The following NELL2 variants were observed in gnomAD, a reference collection of about 807,000 sequenced individuals.
NELL2 encodes protein kinase C-binding protein NELL2.
Under a neutral mutation model 109.6 loss-of-function variants are expected in NELL2, and 41 were observed. The ratio of observed to expected loss-of-function variants is 0.37; its 90% CI spans 0.29 to 0.49. The LOEUF (loss-of-function observed/expected upper bound fraction) is 0.49, where lower values mean the gene tolerates loss of function less well. Among genes scored for constraint, NELL2 ranks in the 20% least tolerant of loss-of-function variants. NELL2 has a pLI of 0.98. For missense variants in NELL2, 900 were observed against 1,008.3 expected, an observed-to-expected ratio of 0.89 and a Z score of 1.45; for synonymous variants, 355 against 344.7, an observed-to-expected ratio of 1.03 and a Z score of -0.33.
chr12:44,805,665 T>C (rs937496039), intron 3 of NELL2, among the ~76,000 whole-genome samples: 1 of 151,874 alleles, frequency 6.6e-6, no homozygotes, highest in African/African-American at 2.4e-5. Flanking sequence ...TAAGGCAGAT[T>C]AAGATGGAAA....
At chr12:44,720,593 A>G (rs970260183) in intron 9 of NELL2, among the ~76,000 whole-genome samples, 3 of 152,206 alleles carry the variant, frequency 2.0e-5, no homozygotes, top group African/African-American at 7.2e-5. Context: ...ATGCTCAAAG[A>G]AAGTCTGCTC....
At chr12:44,701,432 A>C (rs530888362) in intron 12 of NELL2, among the ~76,000 whole-genome samples, 4 of 152,260 alleles carry the variant, frequency 2.6e-5, no homozygotes, top group South Asian at 4.1e-4. Flanking sequence ...CCTGTGCCAC[A>C]GATTTTATCC....
At chr12:44,844,529 G>A (rs1944317699) in intron 2 of NELL2, among the ~76,000 whole-genome samples, 1 of 152,150 alleles carries the variant, frequency 6.6e-6, no homozygotes, top group African/African-American at 2.4e-5. Context: ...CAAAGGTGGG[G>A]GATGGGGAAG....
chr12:44,745,742 G>C (rs565049318), intron 9 of NELL2, among the ~76,000 whole-genome samples: 1 of 152,144 alleles, frequency 6.6e-6, no homozygotes, highest in East Asian at 1.9e-4. Context: ...ACTTAGAAGG[G>C]ATGTGAAGGA....
At chr12:44,790,388 T>C (rs919343465) in intron 3 of NELL2, among the ~76,000 whole-genome samples, 1 of 152,026 alleles carries the variant, frequency 6.6e-6, no homozygotes, top group Non-Finnish European at 1.5e-5. Context: ...GCATCATACA[T>C]GAAGGAAAGA....
intron 3 of NELL2, among the ~76,000 whole-genome samples, chr12:44,807,399 A>T (rs542210728): frequency 6.6e-6 from 1 of 151,848 alleles, no homozygotes; most frequent in African/African-American, 2.4e-5. Context: ...CTCAAAAAAA[A>T]ATATCCGTTC....
intron 2 of NELL2, among the ~76,000 whole-genome samples, chr12:44,846,930 A>G (rs1944389095): frequency 1.3e-5 from 2 of 152,254 alleles, no homozygotes; most frequent in African/African-American, 4.8e-5. Context: ...TTTCATAAAC[A>G]ATAATGTTCC....
intron 1 of NELL2, among the ~76,000 whole-genome samples, chr12:44,898,197 C>A (rs1009419819): frequency 6.6e-6 from 1 of 152,158 alleles, no homozygotes; most frequent in Non-Finnish European, 1.5e-5. Flanking sequence ...CAGACTTAAA[C>A]GTTCCTGCCT....
At chr12:44,788,142 T>C (rs949765801) in intron 3 of NELL2, among the ~76,000 whole-genome samples, 2 of 152,116 alleles carry the variant, frequency 1.3e-5, no homozygotes, top group African/African-American at 4.8e-5. Flanking sequence ...ATGGTATCAT[T>C]ATGGCGATGG....
intron 1 of NELL2, among the ~76,000 whole-genome samples, chr12:44,892,176 T>C (rs1244269304): frequency 6.6e-6 from 1 of 152,162 alleles, no homozygotes. Flanking sequence ...AATGAAATCA[T>C]TATGTGAAGA....
intron 3 of NELL2, among the ~76,000 whole-genome samples, chr12:44,809,659 T>C (rs1051927300): frequency 1.3e-5 from 2 of 152,242 alleles, no homozygotes; most frequent in South Asian, 2.1e-4. Flanking sequence ...GCTTTGTTCA[T>C]GGCACACCAG....
intron 1 of NELL2, among the ~76,000 whole-genome samples, chr12:44,900,042 A>T (rs748718905): frequency 2.6e-5 from 4 of 152,242 alleles, no homozygotes; most frequent in Non-Finnish European, 4.4e-5. Flanking sequence ...TAAAGGAATC[A>T]ATGCAACAAG....
chr12:44,676,582 T>A (rs1434594059), intron 12 of NELL2, among the ~76,000 whole-genome samples: 1 of 152,118 alleles, frequency 6.6e-6, no homozygotes, highest in Admixed American at 6.6e-5. Flanking sequence ...GGCCACAAAT[T>A]TGCTTCATTC....
At chr12:44,643,276 G>GA (rs1447757233) in intron 13 of NELL2, among the ~76,000 whole-genome samples, 16 of 152,152 alleles carry the variant, frequency 1.1e-4, no homozygotes, top group African/African-American at 3.9e-4. Context: ...CTGACTGGCA[G>GA]AAAAAATTAT....
In NELL2 at chr12:44,887,659, T is replaced by C. The variant is rs571844729; in HGVS notation, c.39-11759A>G. Among the ~76,000 whole-genome samples, 4 of 146,604 alleles carry C rather than the reference T, an allele frequency of 2.7e-5. No individual in the cohort carries two copies. In the South Asian group the frequency reaches 8.5e-4, roughly 31 times the overall value. Reference sequence around the variant, plus strand: ...TATTGTGTGTGTGTGTGTGTGTGTGTTGTTGTTGTTGTTGTTTTTGTTGTT... The same window carrying C: ...TATTGTGTGTGTGTGTGTGTGTGTGCTGTTGTTGTTGTTGTTTTTGTTGTT... On this transcript the variant is annotated intron_variant, in intron 1 of 20. Transcript: ENST00000333837.
intron 1 of NELL2, among the ~76,000 whole-genome samples, chr12:44,886,030 G>A (rs1022478788): frequency 2.0e-5 from 3 of 148,522 alleles, no homozygotes; most frequent in East Asian, 2.0e-4. Context: ...TTTTTCAATG[G>A]ATAAAAGATA....
At chr12:44,823,679 C>T (rs1943614318) in intron 2 of NELL2, among the ~76,000 whole-genome samples, 1 of 152,160 alleles carries the variant, frequency 6.6e-6, no homozygotes, top group Admixed American at 6.5e-5. Context: ...TGGGTAGTGT[C>T]AATAATGCTG....
At chr12:44,850,471 A>G (rs2710452) in intron 2 of NELL2, among the ~76,000 whole-genome samples, 48,278 of 151,954 alleles carry the variant, frequency 0.32, 8,492 homozygotes, top group Non-Finnish European at 0.4. Flanking sequence ...AAACTATAAT[A>G]TATTAGTGGT....
At chr12:44,538,667 G>GT (rs1269940057) in intron 15 of NELL2, among the ~76,000 whole-genome samples, 1 of 152,102 alleles carries the variant, frequency 6.6e-6, no homozygotes, top group East Asian at 1.9e-4. Flanking sequence ...ATGAGACTAC[G>GT]TTTTATAAAG....
Sources: allele counts gnomAD v4.1 joint callset (sites outside exome capture counted in the v4.1 genomes callset), GRCh38; gene constraint gnomAD v4.1.1; transcripts MANE v1.5; gene names NCBI Gene and HGNC (gene_info 2026-07-23, HGNC 2026-07-21).